The following SAMD4A variants were observed in gnomAD, a reference collection of about 807,000 sequenced individuals.
SAMD4A encodes the protein protein Smaug homolog 1.
A neutral mutation model predicts 81.3 loss-of-function variants in SAMD4A; 33 were observed. The ratio of observed to expected loss-of-function variants is 0.41; its 90% CI spans 0.31 to 0.54. The LOEUF (loss-of-function observed/expected upper bound fraction) is 0.54, where lower values mean the gene tolerates loss of function less well. SAMD4A is among the 20% of genes least tolerant of loss of function. The probability of loss-of-function intolerance (pLI) is 0.37; values close to 1 mark genes in which losing one functional copy is unlikely to be tolerated. For missense variants in SAMD4A, 854 were observed against 951.1 expected, an observed-to-expected ratio of 0.90 and a Z score of 1.34; for synonymous variants, 389 against 382.1, an observed-to-expected ratio of 1.02 and a Z score of -0.21.
At chr14:54,719,255 A>C (rs2037201270) in intron 3 of SAMD4A, among the ~76,000 whole-genome samples, 1 of 151,778 alleles carries the variant, frequency 6.6e-6, no homozygotes, top group Non-Finnish European at 1.5e-5. Flanking sequence ...AATTGTGTAG[A>C]CCCCACTGCC....
chr14:54,590,636 G>A (rs1399841436), intron 2 of SAMD4A, among the ~76,000 whole-genome samples: 2 of 152,084 alleles, frequency 1.3e-5, no homozygotes, highest in African/African-American at 4.8e-5. Flanking sequence ...CCTAGCTGGT[G>A]GTAGTCTCTC....
At chr14:54,733,028 T>A (rs1333922184) in intron 3 of SAMD4A, among the ~76,000 whole-genome samples, 4 of 152,174 alleles carry the variant, frequency 2.6e-5, no homozygotes, top group African/African-American at 9.7e-5. Context: ...GGTGTCATAT[T>A]TTCCCCGTAA....
At chr14:54,777,196 GACCCCCCCCC>G (rs1446262974) in intron 11 of SAMD4A, among the ~76,000 whole-genome samples, 2 of 151,518 alleles carry the variant, frequency 1.3e-5, no homozygotes, top group Non-Finnish European at 2.9e-5. Context: ...TATCTGGATG[GACCCCCCCCC>G]ACCCCCACTG....
intron 2 of SAMD4A, among the ~76,000 whole-genome samples, chr14:54,580,310 G>A (rs762298461): frequency 4.6e-5 from 7 of 152,144 alleles, no homozygotes; most frequent in Non-Finnish European, 8.8e-5. Flanking sequence ...CATTAAAATG[G>A]TCCCCTCAAA....
At chr14:54,626,015 G>GGGGTGT (rs1342241668) in intron 2 of SAMD4A, among the ~76,000 whole-genome samples, 1 of 131,716 alleles carries the variant, frequency 7.6e-6, no homozygotes, top group East Asian at 2.5e-4. Flanking sequence ...TCTACTGCTA[G>GGGGTGT]GTGTGTGTGT....
In SAMD4A at chr14:54,739,057, T is replaced by TTC. The variant is rs774033001; in HGVS notation, c.979+1771_979+1772insCT. Among the ~76,000 whole-genome samples, 449 of 143,048 alleles carry TTC rather than the reference T, an allele frequency of 3.1e-3. 3 individuals are homozygous for TTC. The highest frequency in any genetic ancestry group is 5.0e-3 in the Non-Finnish European group (332 of 65,792). 93.8% of individuals were successfully genotyped at this position (143,048 alleles called of 152,430 possible). On this transcript the variant is annotated intron_variant, in intron 4 of 12. Coordinates refer to ENST00000554335, the MANE Select transcript of SAMD4A (RefSeq NM_015589.6). ...CTTTGTTTTCTTTCTTTCCTTTTCT[T>TTC]TTTTTTTTTTTTTTTTTGAGGCCCT... is the stretch of plus-strand genomic sequence containing the variant.
intron 4 of SAMD4A, among the ~76,000 whole-genome samples, chr14:54,738,820 C>G (rs1410172852): frequency 1.3e-5 from 2 of 152,152 alleles, no homozygotes; most frequent in African/African-American, 4.8e-5. Flanking sequence ...TTGCTTTTAA[C>G]TAGCTTCTTT....
chr14:54,741,551 A>G (rs528960654), intron 4 of SAMD4A, among the ~76,000 whole-genome samples: 3 of 152,316 alleles, frequency 2.0e-5, no homozygotes, highest in Admixed American at 6.5e-5. Context: ...TTCTGGGCAG[A>G]CAGGGCTGAG....
intron 6 of SAMD4A, among the ~76,000 whole-genome samples, chr14:54,758,253 C>A (rs1380239044): frequency 1.3e-5 from 2 of 152,176 alleles, no homozygotes; most frequent in East Asian, 3.9e-4. Flanking sequence ...CCACTTCCCA[C>A]CCCTCCCCGC....
intron 2 of SAMD4A, among the ~76,000 whole-genome samples, chr14:54,576,001 CTTTTTTTTTTTTTTT>C (rs57819180): frequency 9.3e-4 from 74 of 79,994 alleles, no homozygotes; most frequent in African/African-American, 3.1e-3. Flanking sequence ...TTCTTTCTTT[CTTTTTTTTTTTTTTT>C]TTTTTTTTTT....
chr14:54,574,282 A>G (rs1177967022), intron 2 of SAMD4A, among the ~76,000 whole-genome samples: 1 of 152,218 alleles, frequency 6.6e-6, no homozygotes, highest in African/African-American at 2.4e-5. Context: ...AGAGAACAAA[A>G]CTGAAATTGA....
intron 2 of SAMD4A, among the ~76,000 whole-genome samples, chr14:54,578,449 G>T (rs975077180): frequency 6.8e-6 from 1 of 146,570 alleles, no homozygotes; most frequent in African/African-American, 2.5e-5. Context: ...ACTGGCTCAT[G>T]CCTGTAATCC....
chr14:54,743,920 T>C (rs1259362954), intron 4 of SAMD4A, among the ~76,000 whole-genome samples: 4 of 152,222 alleles, frequency 2.6e-5, no homozygotes, highest in African/African-American at 9.6e-5. Context: ...GCTGCTAAAC[T>C]TCTCTTCATT....
intron 2 of SAMD4A, among the ~76,000 whole-genome samples, chr14:54,665,173 C>T (rs2035730747): frequency 6.6e-6 from 1 of 152,118 alleles, no homozygotes; most frequent in Non-Finnish European, 1.5e-5. Flanking sequence ...TAACATTTTA[C>T]AGTGAGGTGA....
chr14:54,602,300 AT>A (rs1348001124), intron 2 of SAMD4A, among the ~76,000 whole-genome samples: 1 of 149,910 alleles, frequency 6.7e-6, no homozygotes, highest in Non-Finnish European at 1.5e-5. Context: ...GCATTTTTCC[AT>A]TGCTAGAGGA....
chr14:54,772,116 G>C (rs1327195636), intron 9 of SAMD4A, among the ~76,000 whole-genome samples: 2 of 152,144 alleles, frequency 1.3e-5, no homozygotes, highest in Non-Finnish European at 2.9e-5. Context: ...TTGAAGACCT[G>C]TTTCTCCAAT....
chr14:54,725,636 G>A (rs974119025), intron 3 of SAMD4A, among the ~76,000 whole-genome samples: 3 of 152,246 alleles, frequency 2.0e-5, no homozygotes, highest in Non-Finnish European at 2.9e-5. Flanking sequence ...CATTAGCAGT[G>A]TTGGTTTATA....
chr14:54,607,541 C>T (rs1310988767), intron 2 of SAMD4A, among the ~76,000 whole-genome samples: 3 of 151,356 alleles, frequency 2.0e-5, no homozygotes, highest in South Asian at 2.1e-4. Context: ...CTGCAAGCTC[C>T]GCCTCCTGGG....
chr14:54,584,990 A>C (rs939780249), intron 2 of SAMD4A, among the ~76,000 whole-genome samples: 1 of 152,126 alleles, frequency 6.6e-6, no homozygotes, highest in African/African-American at 2.4e-5. Context: ...AACACCTATA[A>C]TCCTATTTTT....
Sources: allele counts gnomAD v4.1 joint callset (sites outside exome capture counted in the v4.1 genomes callset), GRCh38; gene constraint gnomAD v4.1.1; transcripts MANE v1.5; gene names NCBI Gene and HGNC (gene_info 2026-07-23, HGNC 2026-07-21).